The following MMP14 variants were observed in gnomAD, a reference collection of about 807,000 sequenced individuals.
The protein encoded by MMP14 is matrix metalloproteinase-14.
Under a neutral mutation model 64.8 loss-of-function variants are expected in MMP14, and 13 were observed. The observed-to-expected ratio is 0.20, with a 90% CI of 0.13 to 0.32. MMP14 has a LOEUF of 0.32. MMP14 is among the 10% of genes least tolerant of loss of function. MMP14 has a pLI of 1.00. For synonymous variants in MMP14, 322 were observed against 315.9 expected (o/e 1.02, Z -0.20); for missense variants, 594 against 783.8 (o/e 0.76, Z 2.89).
intron 1 of MMP14, among the ~76,000 whole-genome samples, chr14:22,839,765 T>C (rs1053773150): frequency 6.6e-6 from 1 of 151,940 alleles, no homozygotes; most frequent in Non-Finnish European, 1.5e-5. Context: ...CTGATGACCT[T>C]GGCTAGGAGA....
rs1385606625 is a variant in MMP14, at chr14:22,846,009, C to T, written c.1719C>T (p.Tyr573=). The change falls in exon 10 of 10, where the codon TAC becomes TAT. Residue 573 remains tyrosine (Y), a synonymous_variant. Transcript: ENST00000311852. ...ATGGGACCCCCAGGCGACTGCTCTA[C>T]TGCCAGCGTTCCCTGCTGGACAAGG... ...RRHGTPRRLL[Y]CQRSLLDKV The T allele has an allele frequency of 4.0e-6, 6 of 1,517,028 alleles. No individual in the cohort carries two copies. 94.0% of individuals were successfully genotyped at this position (1,517,028 alleles called of 1,614,324 possible). A position where few individuals can be genotyped will look rare whatever the true frequency, so the allele number is the denominator to read the frequency against.
intron 9 of MMP14, 119 bp downstream of exon 9, chr14:22,845,485 T>C (rs1360935041): frequency 9.3e-6 from 8 of 864,462 alleles, no homozygotes; most frequent in Non-Finnish European, 1.3e-5. Context: ...TAATACCACA[T>C]ACCAGGCGCT....
At chr14:22,839,156 G>A (rs1005131781) in intron 1 of MMP14, among the ~76,000 whole-genome samples, 1 of 152,196 alleles carries the variant, frequency 6.6e-6, no homozygotes, top group Non-Finnish European at 1.5e-5. Flanking sequence ...GCTCTCTGAG[G>A]GTTGACGGGG....
rs56290160 is a variant in MMP14, at chr14:22,841,875, T to C, written c.258-38T>C. 6,297 of 1,613,710 alleles carry C rather than the reference T, an allele frequency of 3.9e-3. 11 individuals are homozygous for C. The highest frequency in any genetic ancestry group is 4.6e-3 in the Non-Finnish European group (5,452 of 1,179,774). On this transcript the variant is annotated intron_variant, in intron 2 of 9. Transcript: ENST00000311852. ...GTGGAGACCTTTCTCTTTCATACAC[T>C]GCACTGATCCCAATCCTCGCACCCA...
chr14:22,838,814 A>C (rs563923667), intron 1 of MMP14, among the ~76,000 whole-genome samples: 4 of 151,920 alleles, frequency 2.6e-5, no homozygotes, highest in African/African-American at 4.8e-5. Context: ...TGTGGTTTCG[A>C]CCTCATAGTC....
intron 6 of MMP14, among the ~76,000 whole-genome samples, 181 bp from the exon 7 acceptor site, chr14:22,844,177 ACAGTGTGAGACTC>A (rs1180969785): frequency 6.7e-6 from 1 of 149,334 alleles, no homozygotes; most frequent in East Asian, 2.0e-4. Context: ...AGCCTGGACA[ACAGTGTGAGACTC>A]CATCTCAAAA....
Position 22,842,817 on chromosome 14 carries a change from C to A in MMP14, c.688+100C>A. On this transcript the variant is annotated intron_variant, in intron 4 of 9. Transcript: ENST00000311852. This position sits in a 1 kb window ranked among gnomAD's most constrained non-coding sequence, Gnocchi z 5.3. ...TCCAAAATCTCCGGGCTAGAAGGGA[C>A]CACAGAGACCTTCTGATCTAACTTC... 1 of 1,217,142 alleles carries A rather than the reference C, an allele frequency of 8.2e-7. No individual in the cohort carries two copies. The highest frequency in any genetic ancestry group is 1.1e-6 in the Non-Finnish European group (1 of 877,608). 75.4% of individuals were successfully genotyped at this position (1,217,142 alleles called of 1,614,324 possible).
rs986045790 is a variant in MMP14 at position 22,836,801 on chromosome 14, C to G, written c.-17C>G. On this transcript the variant is annotated 5_prime_UTR_variant, in exon 1 of 10. Coordinates refer to ENST00000311852, the MANE Select transcript of MMP14 (RefSeq NM_004995.4). ...CGCGGAGCCCACACTGCCCGGCTGA[C>G]CCGGTGGTCTCGGACCATGTCTCCC... 1 of 1,553,198 alleles carries G rather than the reference C, an allele frequency of 6.4e-7. No homozygotes were observed. The highest frequency in any genetic ancestry group is 1.2e-5 in the South Asian group (1 of 86,402).
rs929371964 is a variant in MMP14 at position 22,846,050 on chromosome 14, C to T, written c.*11C>T. On this transcript the variant is annotated 3_prime_UTR_variant, in exon 10 of 10. Transcript: ENST00000311852. ...CTGGACAAGGTCTGACGCCCACCGC[C>T]GGCCCGCCCACTCCTACCACAAGGA... is the stretch of plus-strand genomic sequence containing the variant. The T allele has an allele frequency of 8.9e-6, 13 of 1,461,176 alleles. No individual in the cohort carries two copies. The highest frequency in any genetic ancestry group is 2.8e-5 in the African/African-American group (2 of 70,278). The allele number at this position is 1,461,176 out of a possible 1,614,324, so 90.5% of individuals were successfully genotyped here. A position where few individuals can be genotyped will look rare whatever the true frequency, so the allele number is the denominator to read the frequency against.
Position 22,843,385 on chromosome 14 carries a change from G to A in MMP14, c.817G>A (p.Asp273Asn), listed in dbSNP as rs1042704. The A allele has an allele frequency of 0.19, 308,375 of 1,613,702 alleles. 31,921 individuals are homozygous for A. Among genetic ancestry groups the A allele is most frequent in the South Asian group, 0.22 (20,207 of 91,060 alleles). Residue 273 changes from aspartate (D) to asparagine (N), a missense_variant, in exon 5 of 10, where the codon GAT becomes AAT. Transcript: ENST00000311852. The surrounding 1 kb of genome is among the most constrained non-coding windows in gnomAD (Gnocchi z 4.8). ...WMDTENFVLP[D>N]DDRRGIQQLY... ...GGACACGGAGAATTTTGTGCTGCCC[G>A]ATGATGACCGCCGGGGCATCCAGCA...
intron 1 of MMP14, among the ~76,000 whole-genome samples, chr14:22,839,676 C>T (rs2039759346): frequency 6.6e-6 from 1 of 152,138 alleles, no homozygotes; most frequent in African/African-American, 2.4e-5. Flanking sequence ...TCTTGAGTCA[C>T]CCCCAGTCCC....
Position 22,844,798 on chromosome 14 carries a change from T to C in MMP14, c.1301+18T>C. Reference sequence around the variant, plus strand: ...GGAAACAAGTAAGACCTCAACCCCTTAACCCCAGGCCTCCCTCAGAAACCA... The same window carrying C: ...GGAAACAAGTAAGACCTCAACCCCTCAACCCCAGGCCTCCCTCAGAAACCA... On this transcript the variant is annotated intron_variant, in intron 8 of 9. Coordinates refer to ENST00000311852, the MANE Select transcript of MMP14 (RefSeq NM_004995.4). 6.2e-7 allele frequency: 1 copy of C among 1,613,820 alleles called. No individual in the cohort carries two copies. Among genetic ancestry groups the C allele is most frequent in the Non-Finnish European group, 8.5e-7 (1 of 1,179,854 alleles).
intron 1 of MMP14, among the ~76,000 whole-genome samples, chr14:22,838,994 C>T (rs10130236): frequency 1.3e-5 from 2 of 152,114 alleles, no homozygotes; most frequent in East Asian, 3.8e-4. Context: ...ATTTAGACCC[C>T]CCTAGCTTCT....
Position 22,845,802 on chromosome 14 carries a change from C to CT in MMP14, c.1513dup (p.Trp505LeufsTer12). The CT allele has an allele frequency of 6.2e-7, 1 of 1,614,174 alleles. No homozygotes were observed. Among genetic ancestry groups the CT allele is most frequent in the African/African-American group, 1.3e-5 (1 of 75,062 alleles). ...GCTACCCCAAGTCAGCCCTGAGGGA[C>CT]TGGATGGGCTGCCCATCGGGAGGCC... On this transcript the variant is annotated frameshift_variant, in exon 10 of 10. Coordinates refer to ENST00000311852, the MANE Select transcript of MMP14 (RefSeq NM_004995.4). LOFTEE classifies it high-confidence loss of function.
rs2039781168 is a variant in MMP14 at position 22,842,586 on chromosome 14, A to G, written c.557A>G (p.His186Arg). The G allele has an allele frequency of 1.2e-6, 2 of 1,614,058 alleles. No individual in the cohort carries two copies. The highest frequency in any genetic ancestry group is 1.7e-5 in the Admixed American group (1 of 60,008). ...DIMIFFAEGF[H>R]GDSTPFDGEG... is the part of the protein sequence containing the mutation. Reference sequence around the variant, plus strand: ...ATGATCTTCTTTGCCGAGGGCTTCCATGGCGACAGCACGCCCTTCGATGGT... The same window carrying G: ...ATGATCTTCTTTGCCGAGGGCTTCCGTGGCGACAGCACGCCCTTCGATGGT... The change falls in exon 4 of 10, where the codon CAT (histidine) becomes CGT (arginine). Residue 186 changes from histidine to arginine, a missense_variant. Physicochemically the swap from His to Arg is conservative, Grantham distance 29 (BLOSUM62 0). Transcript: ENST00000311852. This position sits in a 1 kb window ranked among gnomAD's most constrained non-coding sequence, Gnocchi z 5.3.
In MMP14 at chr14:22,843,489, C is replaced by A; in HGVS notation, c.850+71C>A. 1 of 1,546,906 alleles carries A rather than the reference C, an allele frequency of 6.5e-7. No individual in the cohort carries two copies. The highest frequency in any genetic ancestry group is 8.8e-7 in the Non-Finnish European group (1 of 1,138,400). ...CCCTCCTGGTCTACGCATTTCCCCT[C>A]TTTTATGCCTTGCAGTCTCCGCACC... On this transcript the variant is annotated intron_variant, in intron 5 of 9. Transcript: ENST00000311852. The surrounding 1 kb of genome is among the most constrained non-coding windows in gnomAD (Gnocchi z 4.8).
Position 22,836,996 on chromosome 14 carries a change from C to A in MMP14, c.108+71C>A. On this transcript the variant is annotated intron_variant, in intron 1 of 9. Transcript: ENST00000311852. ...GCGAGCCCGGGGGTCTCCTAGGGGA[C>A]AGCCTCTATTCGGAGAGGAGGGCTT... 4 of 1,213,062 alleles carry A rather than the reference C, an allele frequency of 3.3e-6. No homozygotes were observed. The South Asian group carries it at 3.9e-5, about 12-fold the overall frequency. The allele number at this position is 1,213,062 out of a possible 1,614,324, so 75.1% of individuals were successfully genotyped here. A position where few individuals can be genotyped will look rare whatever the true frequency, so the allele number is the denominator to read the frequency against.
chr14:22,836,917 A>T lies in MMP14; in HGVS notation c.100A>T (p.Ser34Cys). 1 of 1,613,028 alleles carries T rather than the reference A, an allele frequency of 6.2e-7. No homozygotes were observed. The highest frequency in any genetic ancestry group is 8.5e-7 in the Non-Finnish European group (1 of 1,179,512). ...SLGSAQSSSF[S>C]PEAWLQQYGY... ...CGGCTCGGCCCAAAGCAGCAGCTTC[A>T]GCCCCGAAGTAAGTGAGCTTCCCGG... The change falls in exon 1 of 10, where the codon AGC becomes TGC. Residue 34 changes from serine (S) to cysteine (C), a missense_variant. Coordinates refer to ENST00000311852, the MANE Select transcript of MMP14 (RefSeq NM_004995.4).
chr14:22,846,241 G>C lies in MMP14; in HGVS notation c.*202G>C. 1.8e-6 allele frequency: 1 copy of C among 570,712 alleles called. No individual in the cohort carries two copies. Among genetic ancestry groups the C allele is most frequent in the East Asian group, 3.0e-5 (1 of 33,810 alleles). 35.4% of individuals were successfully genotyped at this position (570,712 alleles called of 1,614,324 possible). A position where few individuals can be genotyped will look rare whatever the true frequency, so the allele number is the denominator to read the frequency against. ...CCCGGCATTGCATCTTCCCTAGATAGGTCCCCTGAGGGCTGAGTGGGAGGG... is the reference window on the plus strand; with the variant it reads ...CCCGGCATTGCATCTTCCCTAGATACGTCCCCTGAGGGCTGAGTGGGAGGG... On this transcript the variant is annotated 3_prime_UTR_variant, in exon 10 of 10. Coordinates refer to ENST00000311852, the MANE Select transcript of MMP14 (RefSeq NM_004995.4).
Sources: allele counts gnomAD v4.1 joint callset (sites outside exome capture counted in the v4.1 genomes callset), GRCh38; gene constraint gnomAD v4.1.1; non-coding constraint Gnocchi (gnomAD v3.1); transcripts MANE v1.5; gene names NCBI Gene and HGNC (gene_info 2026-07-23, HGNC 2026-07-21).